PCDH15: variants seen among roughly 807,000 people sequenced by gnomAD.
The protein encoded by PCDH15 is protocadherin related 15, also known as protocadherin-15.
In PCDH15, 129 loss-of-function variants were observed where a neutral mutation model predicts 178.5. That is an observed-to-expected ratio of 0.72 (90% confidence interval 0.63 to 0.84). The LOEUF is 0.84. PCDH15 is among the 40% of genes least tolerant of loss of function. The pLI, the probability that PCDH15 is intolerant of heterozygous loss-of-function variation, is 0.00. For missense variants in PCDH15, 2,230 were observed against 2,099.9 expected, an observed-to-expected ratio of 1.06 and a Z score of -1.21; for synonymous variants, 800 against 732.0, an observed-to-expected ratio of 1.09 and a Z score of -1.50.
Position 54,122,002 on chromosome 10 carries a change from T to TACACACACACACACACAC in PCDH15, c.1917+10855_1917+10872dup, listed in dbSNP as rs57135050. 4.2e-3 allele frequency among the ~76,000 whole-genome samples: 620 copies of TACACACACACACACACAC among 146,450 alleles called. 3 individuals carry two copies. The highest frequency in any genetic ancestry group is 0.01 in the Admixed American group (147 of 14,622). The stretch of plus-strand genomic sequence containing the variant: ...AATATCTAAACCGGGCAAAGACACA[T>TACACACACACACACACAC]ACACACACACACACACACACACACA... On this transcript the variant is annotated intron_variant, in intron 15 of 37. Coordinates refer to ENST00000644397, the MANE Select transcript of PCDH15 (RefSeq NM_001384140.1).
chr10:54,960,629 AT>A (rs1241558348), intron 2 of PCDH15, among the ~76,000 whole-genome samples: 11 of 152,354 alleles, frequency 7.2e-5, no homozygotes, highest in African/African-American at 2.6e-4. Context: ...AAATTAATCA[AT>A]TTTAAAATGT....
intron 2 of PCDH15, among the ~76,000 whole-genome samples, chr10:55,497,337 G>T (rs1474326685): frequency 6.6e-6 from 1 of 151,432 alleles, no homozygotes; most frequent in Non-Finnish European, 1.5e-5. Flanking sequence ...GTCTCACTAT[G>T]TTGTCCATGC....
chr10:54,888,873 T>A (rs1209729637), intron 3 of PCDH15, among the ~76,000 whole-genome samples: 2 of 151,694 alleles, frequency 1.3e-5, no homozygotes, highest in Non-Finnish European at 3.0e-5. Context: ...TTTACAGATG[T>A]GTTATTTGGA....
At chr10:54,293,140 A>C (rs1180528850) in intron 8 of PCDH15, among the ~76,000 whole-genome samples, 1 of 151,970 alleles carries the variant, frequency 6.6e-6, no homozygotes, top group African/African-American at 2.4e-5. Context: ...TGGAACAGGA[A>C]ACTGGGCTCA....
At chr10:54,342,365 C>A (rs1942401027) in intron 6 of PCDH15, among the ~76,000 whole-genome samples, 1 of 152,200 alleles carries the variant, frequency 6.6e-6, no homozygotes. Flanking sequence ...CAGGCCATTG[C>A]TTCAGAGGTG....
At chr10:54,805,719 G>C (rs1952768367), upstream of PCDH15, among the ~76,000 whole-genome samples, 1 of 152,112 alleles carries the variant, frequency 6.6e-6, no homozygotes, top group Non-Finnish European at 1.5e-5. Flanking sequence ...CAGGCAGACT[G>C]TTATTTGAGA....
intron 1 of PCDH15, among the ~76,000 whole-genome samples, chr10:54,668,412 T>C (rs1411396321): frequency 1.3e-5 from 2 of 152,150 alleles, no homozygotes; most frequent in Non-Finnish European, 2.9e-5. Flanking sequence ...CAAAATGCTA[T>C]CCGATAAAAT....
intron 3 of PCDH15, among the ~76,000 whole-genome samples, chr10:54,417,148 C>G (rs56284055): frequency 0.035 from 5,325 of 152,156 alleles, 314 homozygotes; most frequent in African/African-American, 0.12. Context: ...CCTTAGTCTC[C>G]CAAGGTGCTG....
intron 3 of PCDH15, among the ~76,000 whole-genome samples, chr10:54,517,929 A>T (rs1383709488): frequency 1.3e-5 from 2 of 152,218 alleles, no homozygotes; most frequent in Non-Finnish European, 2.9e-5. Flanking sequence ...ACTCGACTAC[A>T]TGGAAACTGA....
intron 2 of PCDH15, among the ~76,000 whole-genome samples, chr10:55,043,037 C>T (rs139500141): frequency 0.01 from 1,568 of 152,114 alleles, 26 homozygotes; most frequent in African/African-American, 0.035. Context: ...ATTTTCATGA[C>T]TTTGTTCATT....
intron 2 of PCDH15, among the ~76,000 whole-genome samples, chr10:54,921,440 C>T (rs1837485724): frequency 6.6e-6 from 1 of 151,948 alleles, no homozygotes; most frequent in Non-Finnish European, 1.5e-5. Context: ...GGTATTAAGC[C>T]TAGTAGACAT....
chr10:54,701,952 G>T (rs1048014184), intron 1 of PCDH15, among the ~76,000 whole-genome samples: 1 of 151,914 alleles, frequency 6.6e-6, no homozygotes, highest in African/African-American at 2.4e-5. Context: ...TTAGCCAAAT[G>T]GACCTAACAG....
chr10:55,138,925 C>T (rs977463610), intron 2 of PCDH15, among the ~76,000 whole-genome samples: 3 of 151,846 alleles, frequency 2.0e-5, no homozygotes, highest in Non-Finnish European at 2.9e-5. Flanking sequence ...TTATCTATAG[C>T]GTCATATGTA....
chr10:54,353,484 A>C lies in PCDH15; in HGVS notation c.475-7000T>G, dbSNP rs114345275. On this transcript the variant is annotated intron_variant, in intron 5 of 37. Coordinates refer to ENST00000644397, the MANE Select transcript of PCDH15 (RefSeq NM_001384140.1). Reference sequence around the variant, plus strand: ...CCATGTAATGAACACCTACACAAAAAATATAATATTTTTATCACACTGTAA... The same window carrying C: ...CCATGTAATGAACACCTACACAAAACATATAATATTTTTATCACACTGTAA... 7.3e-3 allele frequency among the ~76,000 whole-genome samples: 1,108 copies of C among 152,266 alleles called. 17 individuals are homozygous for C. The highest frequency in any genetic ancestry group is 0.025 in the African/African-American group (1,047 of 41,546).
intron 2 of PCDH15, among the ~76,000 whole-genome samples, chr10:54,939,578 T>C (rs66617308): frequency 0.24 from 36,155 of 149,686 alleles, 5,225 homozygotes; most frequent in Non-Finnish European, 0.33. Context: ...TTAAAATCTT[T>C]TTGCATTTCT....
intron 21 of PCDH15, among the ~76,000 whole-genome samples, chr10:53,990,964 T>C (rs2091433576): frequency 6.6e-6 from 1 of 152,062 alleles, no homozygotes; most frequent in Non-Finnish European, 1.5e-5. Flanking sequence ...GGCCGGCAGC[T>C]GCAGAGGGTG....
intron 1 of PCDH15, among the ~76,000 whole-genome samples, chr10:54,747,305 A>G (rs1945597767): frequency 6.6e-6 from 1 of 152,198 alleles, no homozygotes; most frequent in South Asian, 2.1e-4. Flanking sequence ...CAGCAGTCTC[A>G]GGTCTGTTAT....
chr10:54,846,962 A>T (rs1476602505), intron 3 of PCDH15, among the ~76,000 whole-genome samples: 1 of 152,182 alleles, frequency 6.6e-6, no homozygotes, highest in Non-Finnish European at 1.5e-5. Context: ...ATTATCACCC[A>T]TATCATTTAT....
At chr10:55,292,645 G>C (rs1295280029) in intron 1 of PCDH15, among the ~76,000 whole-genome samples, 1 of 152,164 alleles carries the variant, frequency 6.6e-6, no homozygotes, top group African/African-American at 2.4e-5. Context: ...GCCTTCCAAA[G>C]TGCTGGGATT....
Sources: allele counts gnomAD v4.1 joint callset (sites outside exome capture counted in the v4.1 genomes callset), GRCh38; gene constraint gnomAD v4.1.1; transcripts MANE v1.5; gene names NCBI Gene and HGNC (gene_info 2026-07-23, HGNC 2026-07-21).